UBR4: variants seen among roughly 807,000 people sequenced by gnomAD.
UBR4 encodes the protein ubiquitin protein ligase E3 component n-recognin 4, also known as E3 ubiquitin-protein ligase UBR4.
Under a neutral mutation model 575.6 loss-of-function variants are expected in UBR4, and 124 were observed. That is an observed-to-expected ratio of 0.22 (90% confidence interval 0.19 to 0.25). The LOEUF is 0.25. Ranked by LOEUF, UBR4 falls within the 10% of genes least tolerant of loss-of-function variation. UBR4 has a pLI of 1.00. For missense variants in UBR4, 4,818 were observed against 6,478.8 expected (o/e 0.74, Z 8.80); for synonymous variants, 2,455 against 2,473.7 (o/e 0.99, Z 0.22).
At chr1:19,084,480 G>C in intron 102 of UBR4, 24 bp downstream of exon 102, 6 of 1,580,446 alleles carry the variant, frequency 3.8e-6, no homozygotes, top group Non-Finnish European at 5.2e-6. Flanking sequence ...GCGAGATGCC[G>C]CCCCTGGGAC....
At chr1:19,145,681 G>T in intron 53 of UBR4, 112 bp downstream of exon 53, 1 of 1,348,236 alleles carries the variant, frequency 7.4e-7, no homozygotes, top group Non-Finnish European at 1.0e-6. Context: ...TATGAGTTCT[G>T]GAAGAAATGG....
chr1:19,076,712 CTTTAAAA>C (rs1271016188), intron 105 of UBR4, 21 bp downstream of exon 105: 10 of 1,613,880 alleles, frequency 6.2e-6, no homozygotes, highest in Non-Finnish European at 7.6e-6. Context: ...TGCGGAGGAT[CTTTAAAA>C]GAGAAAACCT....
rs1029777802 is a variant in UBR4 at position 19,139,874 on chromosome 1, GGCTGA to G, written c.8594-659_8594-655del. Among the ~76,000 whole-genome samples, 1 of 152,122 alleles carries G rather than the reference GGCTGA, an allele frequency of 6.6e-6. No individual in the cohort carries two copies. Among genetic ancestry groups the G allele is most frequent in the African/African-American group, 2.4e-5 (1 of 41,414 alleles). On this transcript the variant is annotated intron_variant, in intron 58 of 105. Transcript: ENST00000375254. The surrounding 1 kb of genome is among the most constrained non-coding windows in gnomAD (Gnocchi z 4.2). ...AGACAGCCACAGCATCCAGGATCAGGGCTGAGCTGAGACAGGAGGAAAATGCTGGA... is the reference window on the plus strand; with the variant it reads ...AGACAGCCACAGCATCCAGGATCAGGGCTGAGACAGGAGGAAAATGCTGGA...
chr1:19,162,392 G>GT (rs1449535449), intron 35 of UBR4, 28 bp downstream of exon 35: 1 of 1,594,694 alleles, frequency 6.3e-7, no homozygotes, highest in Non-Finnish European at 8.5e-7. Context: ...ACCTTGAGAG[G>GT]TTAACTTCGA....
At chr1:19,207,220 GACA>G (rs1192917375) in intron 1 of UBR4, among the ~76,000 whole-genome samples, 1 of 152,230 alleles carries the variant, frequency 6.6e-6, no homozygotes, top group Non-Finnish European at 1.5e-5. Context: ...TGATTAGCTA[GACA>G]ACAAGGCCCA....
At chr1:19,121,838 T>C (rs2081213385) in intron 67 of UBR4, 96 bp downstream of exon 67, 2 of 1,359,324 alleles carry the variant, frequency 1.5e-6, no homozygotes, top group Non-Finnish European at 2.1e-6. Context: ...TTCACAGCTA[T>C]ATCTCCAGCA....
At chr1:19,168,257 A>AG in intron 27 of UBR4, 73 bp from the exon 28 acceptor site, 2 of 1,407,492 alleles carry the variant, frequency 1.4e-6, no homozygotes. Flanking sequence ...GGAAAAAAAA[A>AG]CTGACATAAA....
chr1:19,209,281 C>T (rs2093181355), intron 1 of UBR4, among the ~76,000 whole-genome samples: 1 of 152,188 alleles, frequency 6.6e-6, no homozygotes, highest in South Asian at 2.1e-4. Flanking sequence ...TACCATTAAA[C>T]TAATGAAAGA....
At chr1:19,191,615 A>T (rs1277812895) in intron 11 of UBR4, among the ~76,000 whole-genome samples, 1 of 152,244 alleles carries the variant, frequency 6.6e-6, no homozygotes, top group Non-Finnish European at 1.5e-5. Flanking sequence ...AATAAACTCC[A>T]TAAAGGCAAG....
Position 19,112,662 on chromosome 1 carries a change from C to T in UBR4, c.11663G>A (p.Arg3888Gln), listed in dbSNP as rs376204835. Residue 3888 changes from arginine (R) to glutamine (Q), a missense_variant, in exon 78 of 106, where the codon CGG (arginine) becomes CAG (glutamine). Arg to Gln is a conservative substitution (Grantham distance 43). Around this residue, in one of 29 missense-constraint regions of UBR4, gnomAD observed 333 missense variants for 459.2 expected, o/e 0.73. Coordinates refer to ENST00000375254, the MANE Select transcript of UBR4 (RefSeq NM_020765.3). ...CAAGGCTGGGTTGGTGGCCAGGGCCCGAAGTAGTGTGATACAATGTTCTGT... is the reference window on the plus strand; with the variant it reads ...CAAGGCTGGGTTGGTGGCCAGGGCCTGAAGTAGTGTGATACAATGTTCTGT... ...AVTEHCITLL[R>Q]ALATNPALRH... 1 of 1,614,232 alleles carries T rather than the reference C, an allele frequency of 6.2e-7. No homozygotes were observed. The highest frequency in any genetic ancestry group is 8.5e-7 in the Non-Finnish European group (1 of 1,180,042).
At chr1:19,170,557 A>G (rs777306571) in intron 26 of UBR4, among the ~76,000 whole-genome samples, 58 of 152,370 alleles carry the variant, frequency 3.8e-4, no homozygotes, top group Non-Finnish European at 6.3e-4. Context: ...CTCTAGGCCT[A>G]ATTTATAATG....
intron 17 of UBR4, among the ~76,000 whole-genome samples, chr1:19,182,263 G>C (rs2091045031): frequency 6.6e-6 from 1 of 152,138 alleles, no homozygotes; most frequent in Non-Finnish European, 1.5e-5. Flanking sequence ...ATGAACATGG[G>C]TGGATAAACA....
Position 19,163,766 on chromosome 1 carries a change from T to G in UBR4, c.4762A>C (p.Lys1588Gln). Residue 1588 changes from lysine to glutamine, a missense_variant and splice_region_variant, in exon 34 of 106, where the codon AAG (lysine) becomes CAG (glutamine). Physicochemically the swap from Lys to Gln is moderately conservative, Grantham distance 53 (BLOSUM62 1). Transcript: ENST00000375254. ...TTGTCATTCCTCACTTTTCTTACCTTTCCATGCATTACATTGGCATTCAGT... is the reference window on the plus strand; with the variant it reads ...TTGTCATTCCTCACTTTTCTTACCTGTCCATGCATTACATTGGCATTCAGT... ...EKLNANVMHG[K>Q]HVMILECTCH... 1 of 1,614,184 alleles carries G rather than the reference T, an allele frequency of 6.2e-7. No individual in the cohort carries two copies. The highest frequency in any genetic ancestry group is 8.5e-7 in the Non-Finnish European group (1 of 1,179,984).
In UBR4 at chr1:19,112,581, C is replaced by T. The variant is rs760989998; in HGVS notation, c.11744G>A (p.Arg3915His). 21 of 1,614,050 alleles carry T rather than the reference C, an allele frequency of 1.3e-5. No individual in the cohort carries two copies. Among genetic ancestry groups the T allele is most frequent in the Middle Eastern group, 3.3e-4 (2 of 6,084 alleles). The stretch of plus-strand genomic sequence containing the variant: ...CTCCCGCATGGCCGCAGCCCCTCGG[C>T]GAAGATTATAATCAAAGAGCTCCCG... ...LIRELFDYNL[R>H]RGAAAMREEV... Residue 3915 changes from arginine (R) to histidine (H), a missense_variant, in exon 78 of 106, where the codon CGC (arginine) becomes CAC (histidine). By Grantham distance (29) the Arg-to-His change is conservative. Transcript: ENST00000375254.
At chr1:19,207,232 C>G (rs998540780) in intron 1 of UBR4, among the ~76,000 whole-genome samples, 5 of 152,234 alleles carry the variant, frequency 3.3e-5, no homozygotes, top group Non-Finnish European at 7.3e-5. Flanking sequence ...CAACAAGGCC[C>G]ACCTCAGCAT....
chr1:19,114,265 T>G (rs1046326233), intron 75 of UBR4, among the ~76,000 whole-genome samples, 195 bp from the exon 76 acceptor site: 1 of 152,256 alleles, frequency 6.6e-6, no homozygotes, highest in Non-Finnish European at 1.5e-5. Flanking sequence ...AATACACATC[T>G]GTGATATATA....
chr1:19,140,063 C>T (rs1160280186), intron 58 of UBR4, among the ~76,000 whole-genome samples: 1 of 152,072 alleles, frequency 6.6e-6, no homozygotes, highest in Admixed American at 6.5e-5. Context: ...CCGCTCTCTC[C>T]CTTTCTTAAC....
intron 1 of UBR4, among the ~76,000 whole-genome samples, chr1:19,204,685 A>G (rs2092920840): frequency 6.6e-6 from 1 of 152,162 alleles, no homozygotes; most frequent in South Asian, 2.1e-4. Flanking sequence ...GGAAAGATAG[A>G]CATTGGCAGA....
Position 19,153,350 on chromosome 1 carries a change from A to C in UBR4, c.6783T>G (p.Ser2261Arg). 1 of 1,614,178 alleles carries C rather than the reference A, an allele frequency of 6.2e-7. No individual in the cohort carries two copies. Among genetic ancestry groups the C allele is most frequent in the South Asian group, 1.1e-5 (1 of 91,076 alleles). The part of the protein sequence containing the change: ...YWLQPSLQPS[S>R]VISIMKPVRK... ...GAACAGGCTTCATGATGCTGATGACACTGCTGGGCTGCAGGGATGGCTGCA... is the reference window on the plus strand; with the variant it reads ...GAACAGGCTTCATGATGCTGATGACCCTGCTGGGCTGCAGGGATGGCTGCA... Residue 2261 changes from serine (S) to arginine (R), a missense_variant, in exon 46 of 106, where the codon AGT (serine) becomes AGG (arginine). Transcript: ENST00000375254. This position sits in a 1 kb window ranked among gnomAD's most constrained non-coding sequence, Gnocchi z 4.1.
Sources: gnomAD v4.1 joint callset for allele counts (sites outside exome capture counted in the v4.1 genomes callset) on GRCh38, gnomAD v4.1.1 for gene constraint, gnomAD v4.1.1 regional missense constraint, Gnocchi (gnomAD v3.1) non-coding constraint, MANE v1.5 for transcripts, NCBI Gene and HGNC (gene_info 2026-07-23, HGNC 2026-07-21) for gene names.